PARP14: variants seen among roughly 807,000 people sequenced by gnomAD.
The protein encoded by PARP14 is protein mono-ADP-ribosyltransferase PARP14.
A neutral mutation model predicts 154.2 loss-of-function variants in PARP14; 59 were observed. The observed-to-expected ratio is 0.38, with a 90% confidence interval of 0.31 to 0.48. PARP14 has a LOEUF of 0.48. Among genes scored for constraint, PARP14 ranks in the 20% least tolerant of loss-of-function variants. The pLI, the probability that PARP14 is intolerant of heterozygous loss-of-function variation, is 0.98. For synonymous variants in PARP14, 720 were observed against 780.5 expected, an observed-to-expected ratio of 0.92 and a Z score of 1.29; for missense variants, 1,734 against 2,131.6, an observed-to-expected ratio of 0.81 and a Z score of 3.67.
rs759538627 is a variant in PARP14, at chr3:122,692,438, C to G, written c.493C>G (p.Leu165Val). The change falls in exon 4 of 17, where the codon CTA becomes GTA. Residue 165 changes from leucine to valine, a missense_variant. Physicochemically the swap from Leu to Val is conservative, Grantham distance 32. Transcript: ENST00000474629. Reference protein sequence around the residue: ...NLKANVTDIMLILLVENISGL... With the variant: ...NLKANVTDIMVILLVENISGL... ...CAAGGCAAATGTGACTGACATAATG[C>G]TAATCTTGTTAGTGGAGAACATAAG... 6.2e-7 allele frequency: 1 copy of G among 1,613,602 alleles called. No homozygotes were observed. The highest frequency in any genetic ancestry group is 2.2e-5 in the East Asian group (1 of 44,848).
At chr3:122,716,375 A>T (rs562293324) in intron 12 of PARP14, among the ~76,000 whole-genome samples, 1 of 152,284 alleles carries the variant, frequency 6.6e-6, no homozygotes, top group South Asian at 2.1e-4. Context: ...TCATTAGCTT[A>T]GGAATTATTT....
At position 122,714,262 on chromosome 3, in the gene PARP14, C is replaced by T. The variant is rs959574957; in HGVS notation, c.3833C>T (p.Ala1278Val). 2 of 1,593,652 alleles carry T rather than the reference C, an allele frequency of 1.3e-6. No individual in the cohort carries two copies. Among genetic ancestry groups the T allele is most frequent in the African/African-American group, 2.7e-5 (2 of 73,586 alleles). ...GCATCTTTTTGTCTGTGTTTCCCAG[C>T]TCAGCAGCGCAAAAATGATTATATA... Reference protein sequence around the residue: ...QNVERECSQQAQQRKNDYIIT... With the variant: ...QNVERECSQQVQQRKNDYIIT... Residue 1278 changes from alanine (A) to valine (V), a missense_variant and splice_region_variant, in exon 12 of 17, where the codon GCT becomes GTT. Ala to Val is a moderately conservative substitution (Grantham distance 64, BLOSUM62 0). Coordinates refer to ENST00000474629, the MANE Select transcript of PARP14 (RefSeq NM_017554.3).
chr3:122,716,946 C>T (rs1356053540), intron 12 of PARP14, among the ~76,000 whole-genome samples: 1 of 152,214 alleles, frequency 6.6e-6, no homozygotes. Context: ...TAGTGAGTAC[C>T]TAGCCAGTGA....
chr3:122,722,936 T>TA (rs1491417461), intron 15 of PARP14, among the ~76,000 whole-genome samples: 3 of 72,594 alleles, frequency 4.1e-5, no homozygotes, highest in African/African-American at 1.6e-4. Flanking sequence ...GCATTTCATA[T>TA]TTTTTTTTTT....
intron 15 of PARP14, among the ~76,000 whole-genome samples, chr3:122,726,803 T>G (rs1360305991): frequency 6.6e-6 from 1 of 151,834 alleles, no homozygotes; most frequent in African/African-American, 2.4e-5. Flanking sequence ...GCTTTAAAAA[T>G]GAGTAAGATA....
At chr3:122,702,993 TAAAAAAAAAAAAAAAAACAA>T (rs1490955754) in intron 6 of PARP14, among the ~76,000 whole-genome samples, 12 of 83,950 alleles carry the variant, frequency 1.4e-4, no homozygotes, top group Admixed American at 9.2e-4. Context: ...CCCTCTCTCT[TAAAAAAAAAAAAAAAAACAA>T]AAAAAAAAAA....
intron 5 of PARP14, among the ~76,000 whole-genome samples, chr3:122,698,631 TCCTAGCCTCA>T (rs1274497069): frequency 6.6e-6 from 1 of 152,190 alleles, no homozygotes; most frequent in Non-Finnish European, 1.5e-5. Context: ...ATCTAACCTT[TCCTAGCCTCA>T]GTTTTAGTAG....
intron 8 of PARP14, among the ~76,000 whole-genome samples, chr3:122,706,160 A>G (rs1939145603): frequency 6.6e-6 from 1 of 152,170 alleles, no homozygotes; most frequent in South Asian, 2.1e-4. Flanking sequence ...CTCAGCATTC[A>G]TTTTCTTTCC....
In PARP14 at chr3:122,680,937, C is replaced by T. The variant is rs1048266877; in HGVS notation, c.54C>T (p.Asp18=). ...PLLVEGSWGP[D]PPKNLNTKLQ... Reference sequence around the variant, plus strand: ...TGGTCGAGGGCTCCTGGGGCCCCGACCCCCCGAAGAACTTGAACACCAAGT... The same window carrying T: ...TGGTCGAGGGCTCCTGGGGCCCCGATCCCCCGAAGAACTTGAACACCAAGT... The change falls in exon 1 of 17, where the codon GAC becomes GAT. Residue 18 remains aspartate, a synonymous_variant. Coordinates refer to ENST00000474629, the MANE Select transcript of PARP14 (RefSeq NM_017554.3). The T allele has an allele frequency of 6.8e-6, 11 of 1,612,680 alleles. No homozygotes were observed. Among genetic ancestry groups the T allele is most frequent in the Admixed American group, 3.3e-5 (2 of 59,936 alleles).
chr3:122,687,025 T>C, intron 2 of PARP14, 55 bp from the exon 3 acceptor site: 12 of 1,259,440 alleles, frequency 9.5e-6, no homozygotes, highest in Non-Finnish European at 1.3e-5. Context: ...GACATTTTCT[T>C]ATGTAAATAA....
Position 122,703,008 on chromosome 3 carries a change from AAAC to A in PARP14, c.3082-731_3082-729del, listed in dbSNP as rs1364012620. ...CCCTCTCTCTTAAAAAAAAAAAAAA[AAAC>A]AAAAAAAAAAAACAAAAAACAAAAA... is the stretch of plus-strand genomic sequence containing the variant. On this transcript the variant is annotated intron_variant, in intron 6 of 16. Transcript: ENST00000474629. Among the ~76,000 whole-genome samples the A allele has an allele frequency of 7.5e-5, 9 of 120,088 alleles. 1 individual carries two copies. The highest frequency in any genetic ancestry group is 9.5e-5 in the African/African-American group (3 of 31,672). 78.8% of individuals were successfully genotyped at this position (120,088 alleles called of 152,430 possible). A position where few individuals can be genotyped will look rare whatever the true frequency, so the allele number is the denominator to read the frequency against.
chr3:122,701,354 G>T lies in PARP14; in HGVS notation c.2800G>T (p.Val934Leu), dbSNP rs373481546. ...CTTTGGCTTTCCCTTAGGCCGATGC[G>T]TGGAGACCATTGTTTCTGCCATCAA... ...GVFGFPLGRC[V>L]ETIVSAIKEN... The change falls in exon 6 of 17, where the codon GTG (valine) becomes TTG (leucine). Residue 934 changes from valine to leucine, a missense_variant. Around this residue, in one of 2 missense-constraint regions of PARP14, gnomAD observed 1,646 missense variants for 1,976.0 expected, o/e 0.83. Transcript: ENST00000474629. The surrounding 1 kb of genome is among the most constrained non-coding windows in gnomAD (Gnocchi z 4.0). 6.2e-7 allele frequency: 1 copy of T among 1,613,932 alleles called. No individual in the cohort carries two copies. The highest frequency in any genetic ancestry group is 8.5e-7 in the Non-Finnish European group (1 of 1,179,892).
intron 2 of PARP14, 96 bp downstream of exon 2, chr3:122,685,414 A>G: frequency 8.4e-7 from 1 of 1,195,354 alleles, no homozygotes; most frequent in East Asian, 2.5e-5. Flanking sequence ...AAAGAAAAGC[A>G]TGAAGCAAAC....
chr3:122,681,045 C>T lies in PARP14; in HGVS notation c.162C>T (p.Phe54=). 1 of 1,613,742 alleles carries T rather than the reference C, an allele frequency of 6.2e-7. No individual in the cohort carries two copies. The highest frequency in any genetic ancestry group is 1.7e-5 in the Admixed American group (1 of 60,024). The part of the protein sequence containing the change: ...VRQDPRSPSR[F]LVFFYPEDVR... ...AGGATCCCAGGAGCCCATCCCGCTTCCTGGTGTTCTTCTACCCGGAGGACG... is the reference window on the plus strand; with the variant it reads ...AGGATCCCAGGAGCCCATCCCGCTTTCTGGTGTTCTTCTACCCGGAGGACG... The change falls in exon 1 of 17, where the codon TTC becomes TTT. Residue 54 remains phenylalanine (F), a synonymous_variant. Coordinates refer to ENST00000474629, the MANE Select transcript of PARP14 (RefSeq NM_017554.3). This position sits in a 1 kb window ranked among gnomAD's most constrained non-coding sequence, Gnocchi z 5.5.
chr3:122,728,425 C>T lies in PARP14; in HGVS notation c.5234C>T (p.Thr1745Ile). 9 of 1,613,818 alleles carry T rather than the reference C, an allele frequency of 5.6e-6. No homozygotes were observed. The highest frequency in any genetic ancestry group is 7.6e-6 in the Non-Finnish European group (9 of 1,179,736). ...RKHVYYVRVL[T>I]GIYTHGNHSL... ...CATGTGTATTATGTGCGAGTACTTA[C>T]TGGAATCTATACACATGGAAATCAT... The change falls in exon 17 of 17, where the codon ACT becomes ATT. Residue 1745 changes from threonine (T) to isoleucine (I), a missense_variant. This residue lies in a region of PARP14 where 88 missense variants were observed against 155.6 expected (regional missense o/e 0.57). Coordinates refer to ENST00000474629, the MANE Select transcript of PARP14 (RefSeq NM_017554.3).
rs1187258740 is a variant in PARP14, at chr3:122,729,929, A to G, written c.*1332A>G. 6.6e-6 allele frequency: 1 copy of G among 152,242 alleles called. No homozygotes were observed. Among genetic ancestry groups the G allele is most frequent in the African/African-American group, 2.4e-5 (1 of 41,460 alleles). 9.4% of individuals were successfully genotyped at this position (152,242 alleles called of 1,614,324 possible). ...AATAAACCAAAGGAAGTAAGCAGTC[A>G]TATTGCTAATTTGCTAACTCCTATC... On this transcript the variant is annotated 3_prime_UTR_variant, in exon 17 of 17. Transcript: ENST00000474629.
At chr3:122,724,300 TTC>T (rs1933232200) in intron 15 of PARP14, among the ~76,000 whole-genome samples, 3 of 82,238 alleles carry the variant, frequency 3.6e-5, no homozygotes, top group South Asian at 8.0e-4. Context: ...TATTTATGTT[TTC>T]TTTTTTTTTT....
rs867804644 is a variant in PARP14 at position 122,703,002 on chromosome 3, A to C, written c.3082-740A>C. Among the ~76,000 whole-genome samples, 467 of 133,710 alleles carry C rather than the reference A, an allele frequency of 3.5e-3. 5 individuals are homozygous for C. Among genetic ancestry groups the C allele is most frequent in the African/African-American group, 0.011 (392 of 36,884 alleles). 87.7% of individuals were successfully genotyped at this position (133,710 alleles called of 152,430 possible). A position where few individuals can be genotyped will look rare whatever the true frequency, so the allele number is the denominator to read the frequency against. On this transcript the variant is annotated intron_variant, in intron 6 of 16. Coordinates refer to ENST00000474629, the MANE Select transcript of PARP14 (RefSeq NM_017554.3). ...GCAAGACCCTCTCTCTTAAAAAAAAAAAAAAAAACAAAAAAAAAAAACAAA... is the reference window on the plus strand; with the variant it reads ...GCAAGACCCTCTCTCTTAAAAAAAACAAAAAAAACAAAAAAAAAAAACAAA...
Position 122,700,212 on chromosome 3 carries a change from A to T in PARP14, c.1658A>T (p.Glu553Val). The change falls in exon 6 of 17, where the codon GAA (glutamate) becomes GTA (valine). Residue 553 changes from glutamate (E) to valine (V), a missense_variant. Around this residue, in one of 2 missense-constraint regions of PARP14, gnomAD observed 1,646 missense variants for 1,976.0 expected, o/e 0.83. Transcript: ENST00000474629. ...FQFLQQVNWK[E>V]FSKCLFIAQK... ...TTTTTGCAACAGGTAAACTGGAAAG[A>T]ATTCTCTAAGTGTCTTTTCATAGCA... is the stretch of plus-strand genomic sequence containing the variant. 6.2e-7 allele frequency: 1 copy of T among 1,611,910 alleles called. No homozygotes were observed.
Sources: allele counts gnomAD v4.1 joint callset (sites outside exome capture counted in the v4.1 genomes callset), GRCh38; gene constraint gnomAD v4.1.1; regional missense constraint gnomAD v4.1.1; non-coding constraint Gnocchi (gnomAD v3.1); transcripts MANE v1.5; gene names NCBI Gene and HGNC (gene_info 2026-07-23, HGNC 2026-07-21).